Variants in RASGEF1C observed in about 807,000 individuals in gnomAD.
The protein encoded by RASGEF1C is RasGEF domain family member 1C.
A neutral mutation model predicts 58.1 loss-of-function variants in RASGEF1C; 27 were observed. The observed-to-expected ratio is 0.46, with a 90% confidence interval of 0.34 to 0.64. RASGEF1C has a LOEUF of 0.64. Ranked by LOEUF, RASGEF1C falls within the 30% of genes least tolerant of loss-of-function variation. The probability of loss-of-function intolerance (pLI) is 0.01; values close to 1 mark genes in which losing one functional copy is unlikely to be tolerated. For synonymous variants in RASGEF1C, 243 were observed against 246.3 expected (o/e 0.99, Z 0.13); for missense variants, 502 against 605.1 (o/e 0.83, Z 1.79).
At chr5:180,154,412 T>C (rs992209130) in intron 1 of RASGEF1C, among the ~76,000 whole-genome samples, 1 of 152,182 alleles carries the variant, frequency 6.6e-6, no homozygotes, top group African/African-American at 2.4e-5. Context: ...AAATACACTC[T>C]ATCATTCTTC....
intron 12 of RASGEF1C, among the ~76,000 whole-genome samples, chr5:180,103,294 G>A (rs979791272): frequency 1.7e-4 from 26 of 152,140 alleles, no homozygotes; most frequent in Admixed American, 1.0e-3. Flanking sequence ...AGCCAGGATG[G>A]TCTCGATCTC....
intron 1 of RASGEF1C, among the ~76,000 whole-genome samples, chr5:180,195,854 C>T (rs1756265679): frequency 2.0e-5 from 3 of 152,262 alleles, no homozygotes; most frequent in Admixed American, 2.0e-4. Context: ...CACAATCCCC[C>T]GTGCATCCTC....
At position 180,119,456 on chromosome 5, in the gene RASGEF1C, C is replaced by T. The variant is rs372688359; in HGVS notation, c.805-8G>A. 9.9e-6 allele frequency: 16 copies of T among 1,611,526 alleles called. No individual in the cohort carries two copies. The highest frequency in any genetic ancestry group is 1.4e-5 in the Non-Finnish European group (16 of 1,177,912). On this transcript the variant is annotated splice_region_variant and splice_polypyrimidine_tract_variant and intron_variant, in intron 7 of 13. Coordinates refer to ENST00000361132, the MANE Select transcript of RASGEF1C (RefSeq NM_175062.4). ...CTGCTTCTTCTTGGCTGGCTGGGGA[C>T]AGGGCAGCAGAGCCTCAGTGGTGAC...
Position 180,199,131 on chromosome 5 carries a change from C to T in RASGEF1C, c.-7+9897G>A, listed in dbSNP as rs745710133. Among the ~76,000 whole-genome samples, 12 of 152,136 alleles carry T rather than the reference C, an allele frequency of 7.9e-5. No individual in the cohort carries two copies. In the South Asian group the frequency reaches 8.3e-4, roughly 11 times the overall value. Reference sequence around the variant, plus strand: ...ATGCAGCCCCCAGGAGTGCAGAGGACGGGAGAGGTGGCAGGGGGTGCCTTT... The same window carrying T: ...ATGCAGCCCCCAGGAGTGCAGAGGATGGGAGAGGTGGCAGGGGGTGCCTTT... On this transcript the variant is annotated intron_variant, in intron 1 of 13. Transcript: ENST00000361132.
chr5:180,102,090 C>T lies in RASGEF1C; in HGVS notation c.1357G>A (p.Glu453Lys), dbSNP rs1765797435. ...SESPENQTEKERWKALRSSIL... is the reference protein window; with the variant it reads ...SESPENQTEKKRWKALRSSIL... ...ACTCACCTTAGAGCTTTCCATCTTT[C>T]TTTTTCTGTTTGGTTCTCTGGGCTC... The change falls in exon 13 of 14, where the codon GAA becomes AAA. Residue 453 changes from glutamate to lysine, a missense_variant. Glu to Lys is a moderately conservative substitution (Grantham distance 56). Coordinates refer to ENST00000361132, the MANE Select transcript of RASGEF1C (RefSeq NM_175062.4). 6.2e-7 allele frequency: 1 copy of T among 1,602,860 alleles called. No individual in the cohort carries two copies. The highest frequency in any genetic ancestry group is 8.5e-7 in the Non-Finnish European group (1 of 1,169,832).
chr5:180,171,582 T>G lies in RASGEF1C; in HGVS notation c.-6-33524A>C, dbSNP rs531968576. Among the ~76,000 whole-genome samples, 18 of 152,172 alleles carry G rather than the reference T, an allele frequency of 1.2e-4. No homozygotes were observed. The East Asian group carries it at 3.3e-3, about 28-fold the overall frequency. ...CTCAGCCCCTGGGTCCCAGGCTCTG[T>G]CCCCACGCAGGTCAGCGTGAGCTGC... On this transcript the variant is annotated intron_variant, in intron 1 of 13. Coordinates refer to ENST00000361132, the MANE Select transcript of RASGEF1C (RefSeq NM_175062.4).
chr5:180,180,371 G>A (rs1410842919), intron 1 of RASGEF1C, among the ~76,000 whole-genome samples: 2 of 152,230 alleles, frequency 1.3e-5, no homozygotes, highest in Non-Finnish European at 2.9e-5. Flanking sequence ...TGCCACCACT[G>A]CTGCTGTTTG....
At chr5:180,144,092 G>A (rs1407911308) in intron 1 of RASGEF1C, among the ~76,000 whole-genome samples, 1 of 152,158 alleles carries the variant, frequency 6.6e-6, no homozygotes, top group African/African-American at 2.4e-5. Context: ...GTGGAGAAAG[G>A]ACCCCCAAGG....
chr5:180,205,893 C>T (rs1242244810), intron 1 of RASGEF1C, among the ~76,000 whole-genome samples: 1 of 151,980 alleles, frequency 6.6e-6, no homozygotes, highest in Admixed American at 6.6e-5. Flanking sequence ...CCACCATTCC[C>T]GGGTAATTTT....
At chr5:180,181,999 C>G (rs950435941) in intron 1 of RASGEF1C, among the ~76,000 whole-genome samples, 2 of 151,502 alleles carry the variant, frequency 1.3e-5, no homozygotes, top group East Asian at 1.9e-4. Context: ...GTCAGGAGAT[C>G]GAGACCATCC....
Position 180,155,705 on chromosome 5 carries a change from G to A in RASGEF1C, c.-6-17647C>T, listed in dbSNP as rs972066234. ...TCTCTCCCGCTCCGTCTTCCATCCT[G>A]TCCCTTACTCTTGGCCCACGTTCTC... is the stretch of plus-strand genomic sequence containing the variant. On this transcript the variant is annotated intron_variant, in intron 1 of 13. Transcript: ENST00000361132. This position sits in a 1 kb window ranked among gnomAD's most constrained non-coding sequence, Gnocchi z 5.2. 2.6e-5 allele frequency among the ~76,000 whole-genome samples: 4 copies of A among 151,960 alleles called. No individual in the cohort carries two copies. Among genetic ancestry groups the A allele is most frequent in the African/African-American group, 9.7e-5 (4 of 41,358 alleles).
At chr5:180,171,617 T>A (rs547872506) in intron 1 of RASGEF1C, among the ~76,000 whole-genome samples, 28 of 152,270 alleles carry the variant, frequency 1.8e-4, no homozygotes, top group African/African-American at 6.3e-4. Flanking sequence ...CCTGAGCACC[T>A]GCACACTGCA....
At position 180,137,346 on chromosome 5, in the gene RASGEF1C, G is replaced by A. The variant is rs1561740247; in HGVS notation, c.300+244C>T. ...AGATGGGTCCTACTGACCGGGCTCC[G>A]GATACTCAGGTCTGGGCTTAATGGG... On this transcript the variant is annotated intron_variant, in intron 3 of 13. Coordinates refer to ENST00000361132, the MANE Select transcript of RASGEF1C (RefSeq NM_175062.4). This position sits in a 1 kb window ranked among gnomAD's most constrained non-coding sequence, Gnocchi z 4.1. Among the ~76,000 whole-genome samples the A allele has an allele frequency of 6.6e-6, 1 of 152,144 alleles. No individual in the cohort carries two copies. Among genetic ancestry groups the A allele is most frequent in the African/African-American group, 2.4e-5 (1 of 41,426 alleles).
Position 180,177,431 on chromosome 5 carries a change from G to A in RASGEF1C, c.-7+31597C>T, listed in dbSNP as rs1034857069. On this transcript the variant is annotated intron_variant, in intron 1 of 13. Coordinates refer to ENST00000361132, the MANE Select transcript of RASGEF1C (RefSeq NM_175062.4). This position sits in a 1 kb window ranked among gnomAD's most constrained non-coding sequence, Gnocchi z 5.0. ...CGGTGAGTGCCTGCGCAATCTGCCC[G>A]GCTGGGCCGCAGCAGTCCACGGGCA... Among the ~76,000 whole-genome samples the A allele has an allele frequency of 2.0e-5, 3 of 152,202 alleles. No homozygotes were observed. The highest frequency in any genetic ancestry group is 4.4e-5 in the Non-Finnish European group (3 of 68,040).
In RASGEF1C at chr5:180,113,696, C is replaced by T. The variant is rs1451316275; in HGVS notation, c.1179+750G>A. Among the ~76,000 whole-genome samples the T allele has an allele frequency of 3.5e-4, 38 of 107,200 alleles. 4 individuals carry two copies. Among genetic ancestry groups the T allele is most frequent in the Middle Eastern group, 0.014 (2 of 148 alleles). 70.3% of individuals were successfully genotyped at this position (107,200 alleles called of 152,430 possible). On this transcript the variant is annotated intron_variant, in intron 11 of 13. Coordinates refer to ENST00000361132, the MANE Select transcript of RASGEF1C (RefSeq NM_175062.4). ...GATGGATGGAGGGATCGGGGATGGACGGAGGGATCGGGGATGGATGGAGGG... is the reference window on the plus strand; with the variant it reads ...GATGGATGGAGGGATCGGGGATGGATGGAGGGATCGGGGATGGATGGAGGG...
At chr5:180,173,779 G>C (rs371437213) in intron 1 of RASGEF1C, among the ~76,000 whole-genome samples, 2 of 151,878 alleles carry the variant, frequency 1.3e-5, no homozygotes, top group South Asian at 2.1e-4. Context: ...TGGGCGTGGT[G>C]GTGGGCGCCT....
At chr5:180,111,694 C>T in intron 11 of RASGEF1C, 114 bp from the exon 12 acceptor site, 1 of 1,175,502 alleles carries the variant, frequency 8.5e-7, no homozygotes, top group Middle Eastern at 2.0e-4. Context: ...CTTTAGGGCT[C>T]TGAGGAGGAG....
chr5:180,169,932 G>C (rs1767079511), intron 1 of RASGEF1C, among the ~76,000 whole-genome samples: 1 of 152,110 alleles, frequency 6.6e-6, no homozygotes, highest in Non-Finnish European at 1.5e-5. Context: ...GCCTCCGCAG[G>C]GCTTCTGCCT....
rs749894332 is a variant in RASGEF1C at position 180,111,488 on chromosome 5, G to C, written c.1272C>G (p.Tyr424Ter). The change falls in exon 12 of 14, where the codon TAC (tyrosine) becomes TAG (stop). Residue 424 changes from tyrosine (Y) to a stop codon, truncating the protein, a stop_gained. Coordinates refer to ENST00000361132, the MANE Select transcript of RASGEF1C (RefSeq NM_175062.4). LOFTEE classifies it high-confidence loss of function. ...PFEQDASITHYLYTAPIFSED... is the reference protein window; with the variant it reads ...PFEQDASITH ...CACTGAAGATGGGGGCGGTGTACAG[G>C]TAGTGGGTGATGCTGGCGTCTTGCT... 4 of 1,614,090 alleles carry C rather than the reference G, an allele frequency of 2.5e-6. No homozygotes were observed. The highest frequency in any genetic ancestry group is 3.4e-6 in the Non-Finnish European group (4 of 1,180,042).
Sources: allele counts gnomAD v4.1 joint callset (sites outside exome capture counted in the v4.1 genomes callset), GRCh38; gene constraint gnomAD v4.1.1; non-coding constraint Gnocchi (gnomAD v3.1); transcripts MANE v1.5; gene names NCBI Gene and HGNC (gene_info 2026-07-23, HGNC 2026-07-21).